DDR2: variants seen among roughly 807,000 people sequenced by gnomAD.
DDR2 encodes discoidin domain-containing receptor 2.
A neutral mutation model predicts 94.9 loss-of-function variants in DDR2; 27 were observed. The ratio of observed to expected loss-of-function variants is 0.28; its 90% confidence interval spans 0.21 to 0.39. The LOEUF is 0.39. DDR2 is among the 10% of genes least tolerant of loss of function. The pLI, the probability that DDR2 is intolerant of heterozygous loss-of-function variation, is 1.00. For synonymous variants in DDR2, 382 were observed against 377.2 expected (o/e 1.01, Z -0.15); for missense variants, 783 against 1,076.0 (o/e 0.73, Z 3.81).
intron 9 of DDR2, among the ~76,000 whole-genome samples, chr1:162,764,168 A>G (rs1460409125): frequency 6.6e-6 from 1 of 152,214 alleles, no homozygotes; most frequent in Non-Finnish European, 1.5e-5. Context: ...TAGTTATGTC[A>G]CCAATGTGAT....
intron 2 of DDR2, among the ~76,000 whole-genome samples, chr1:162,711,710 A>G (rs1170197798): frequency 6.6e-6 from 1 of 152,178 alleles, no homozygotes; most frequent in East Asian, 1.9e-4. Flanking sequence ...AATGTAGTTC[A>G]CTATTATAGC....
chr1:162,679,204 A>G (rs1393912916), intron 2 of DDR2, among the ~76,000 whole-genome samples: 1 of 151,858 alleles, frequency 6.6e-6, no homozygotes, highest in Non-Finnish European at 1.5e-5. Flanking sequence ...CCCACTGACC[A>G]TCCTCAAGTA....
chr1:162,696,642 C>G (rs767862325), intron 2 of DDR2, among the ~76,000 whole-genome samples: 2 of 152,030 alleles, frequency 1.3e-5, no homozygotes, highest in Non-Finnish European at 2.9e-5. Context: ...CAGCACCTCA[C>G]CAATCCCCAG....
chr1:162,750,746 T>C lies in DDR2; in HGVS notation c.83-2349T>C, dbSNP rs986929413. On this transcript the variant is annotated intron_variant, in intron 3 of 17. Coordinates refer to ENST00000367921, the MANE Select transcript of DDR2 (RefSeq NM_006182.4). The stretch of plus-strand genomic sequence containing the variant: ...CATCACACTACTTGACTTCAAACTA[T>C]ACTACAAGGCTACAGTAACCAAAAC... Among the ~76,000 whole-genome samples the C allele has an allele frequency of 3.1e-4, 47 of 152,140 alleles. 1 individual carries two copies. Among genetic ancestry groups the C allele is most frequent in the Non-Finnish European group, 2.9e-5 (2 of 68,032 alleles).
chr1:162,665,409 T>G (rs1571166532), intron 2 of DDR2, among the ~76,000 whole-genome samples: 1 of 152,272 alleles, frequency 6.6e-6, no homozygotes, highest in East Asian at 1.9e-4. Flanking sequence ...CTAGGTGTGC[T>G]CATTCATCTG....
chr1:162,767,277 G>T lies in DDR2; in HGVS notation c.1211G>T (p.Cys404Phe), dbSNP rs756728715. ...AGCAACACTCGGATCCTGATTGGCT[G>T]CTTGGTGGCCATCATCTTTATCCTC... ...DDSNTRILIG[C>F]LVAIIFILLA... is the part of the protein sequence containing the mutation. The change falls in exon 11 of 18, where the codon TGC becomes TTC. Residue 404 changes from cysteine (C) to phenylalanine (F), a missense_variant. Coordinates refer to ENST00000367921, the MANE Select transcript of DDR2 (RefSeq NM_006182.4). 4 of 1,614,128 alleles carry T rather than the reference G, an allele frequency of 2.5e-6. No individual in the cohort carries two copies. The highest frequency in any genetic ancestry group is 3.4e-6 in the Non-Finnish European group (4 of 1,180,016).
intron 1 of DDR2, among the ~76,000 whole-genome samples, chr1:162,641,790 C>G (rs1657139970): frequency 6.6e-6 from 1 of 152,186 alleles, no homozygotes; most frequent in Non-Finnish European, 1.5e-5. Flanking sequence ...GACTTACTAT[C>G]AGAAGTACTG....
At chr1:162,707,201 G>GA (rs781301686) in intron 2 of DDR2, among the ~76,000 whole-genome samples, 48 of 151,692 alleles carry the variant, frequency 3.2e-4, no homozygotes, top group Non-Finnish European at 5.9e-4. Context: ...CCTAACATCA[G>GA]AAAAAAAGGG....
chr1:162,646,178 C>T (rs1657398345), intron 1 of DDR2, among the ~76,000 whole-genome samples: 1 of 152,188 alleles, frequency 6.6e-6, no homozygotes, highest in Admixed American at 6.5e-5. Context: ...ATGATGGTTA[C>T]TGCTTGTATT....
chr1:162,770,362 A>G lies in DDR2; in HGVS notation c.1354A>G (p.Ser452Gly). The change falls in exon 12 of 18, where the codon AGC (serine) becomes GGC (glycine). Residue 452 changes from serine (S) to glycine (G), a missense_variant. Physicochemically the swap from Ser to Gly is moderately conservative, Grantham distance 56 (BLOSUM62 0). Coordinates refer to ENST00000367921, the MANE Select transcript of DDR2 (RefSeq NM_006182.4). ...TVSLSLPSDS[S>G]MFNNNRSSSP... ...CAGCCTTTCCCTGCCAAGTGATTCT[A>G]GCATGTTCAACAATAACCGCTCCTC... 6.2e-7 allele frequency: 1 copy of G among 1,614,078 alleles called. No homozygotes were observed. The highest frequency in any genetic ancestry group is 8.5e-7 in the Non-Finnish European group (1 of 1,179,994).
At chr1:162,678,243 C>G (rs542524463) in intron 2 of DDR2, among the ~76,000 whole-genome samples, 95 of 74,188 alleles carry the variant, frequency 1.3e-3, no homozygotes, top group African/African-American at 3.2e-3. Flanking sequence ...TGACCTTGGG[C>G]AGGTTAAGTA....
chr1:162,774,348 G>A (rs925040688), intron 14 of DDR2, among the ~76,000 whole-genome samples: 7 of 152,078 alleles, frequency 4.6e-5, no homozygotes, highest in African/African-American at 1.4e-4. Context: ...TCCCATTTGT[G>A]TTGTCTTGAT....
At chr1:162,771,944 C>A in intron 12 of DDR2, 80 bp from the exon 13 acceptor site, 1 of 1,450,360 alleles carries the variant, frequency 6.9e-7, no homozygotes, top group Non-Finnish European at 9.5e-7. Flanking sequence ...CATGTTTTAG[C>A]CCTCCTCTCA....
intron 2 of DDR2, among the ~76,000 whole-genome samples, chr1:162,699,396 T>A (rs1660330684): frequency 6.6e-6 from 1 of 152,218 alleles, no homozygotes; most frequent in South Asian, 2.1e-4. Flanking sequence ...CTTCCAAATA[T>A]CACCTGTTTA....
At chr1:162,681,569 G>A (rs935769418) in intron 2 of DDR2, among the ~76,000 whole-genome samples, 1 of 152,168 alleles carries the variant, frequency 6.6e-6, no homozygotes, top group African/African-American at 2.4e-5. Flanking sequence ...AATTCTGGAG[G>A]CTGGGAAATC....
chr1:162,679,330 G>T (rs1374326192), intron 2 of DDR2, among the ~76,000 whole-genome samples: 4 of 151,872 alleles, frequency 2.6e-5, no homozygotes, highest in Admixed American at 2.6e-4. Context: ...ATTTGCTTAG[G>T]ATAATGAGAT....
chr1:162,668,725 A>T (rs950142662), intron 2 of DDR2, among the ~76,000 whole-genome samples: 2 of 152,126 alleles, frequency 1.3e-5, no homozygotes, highest in Non-Finnish European at 2.9e-5. Flanking sequence ...CCTCATTTTA[A>T]CTTGGTAACA....
intron 2 of DDR2, among the ~76,000 whole-genome samples, chr1:162,658,090 G>A (rs1658096908): frequency 1.3e-5 from 2 of 152,158 alleles, no homozygotes; most frequent in African/African-American, 4.8e-5. Flanking sequence ...AAAGGGAAAA[G>A]CCTGCATTTC....
rs991678092 is a variant in DDR2, at chr1:162,787,286, A to T, written c.*7040A>T. The T allele has an allele frequency of 1.3e-5, 2 of 151,980 alleles. No individual in the cohort carries two copies. Among genetic ancestry groups the T allele is most frequent in the Admixed American group, 1.3e-4 (2 of 15,238 alleles). 9.4% of individuals were successfully genotyped at this position (151,980 alleles called of 1,614,324 possible). A position where few individuals can be genotyped will look rare whatever the true frequency, so the allele number is the denominator to read the frequency against. On this transcript the variant is annotated 3_prime_UTR_variant, in exon 18 of 18. Coordinates refer to ENST00000367921, the MANE Select transcript of DDR2 (RefSeq NM_006182.4). ...AACATAAACTTATGATGATTAAAAAAAACACACCTATCCATTCACTCATCA... is the reference window on the plus strand; with the variant it reads ...AACATAAACTTATGATGATTAAAAATAACACACCTATCCATTCACTCATCA...
Sources: allele counts gnomAD v4.1 joint callset (sites outside exome capture counted in the v4.1 genomes callset), GRCh38; gene constraint gnomAD v4.1.1; transcripts MANE v1.5; gene names NCBI Gene and HGNC (gene_info 2026-07-23, HGNC 2026-07-21).